Variants in SH3D19 observed in about 807,000 individuals in gnomAD.
SH3D19 encodes SH3 domain-containing protein 19.
SH3D19 carries 58 observed loss-of-function variants against 112.1 expected under a neutral mutation model. That is an observed-to-expected ratio of 0.52 (90% CI 0.42 to 0.64). The LOEUF (loss-of-function observed/expected upper bound fraction) is 0.64, where lower values mean the gene tolerates loss of function less well. SH3D19 is among the 30% of genes least tolerant of loss of function. The pLI is 0.00. For synonymous variants in SH3D19, 391 were observed against 448.5 expected (o/e 0.87, Z 1.62); for missense variants, 1,090 against 1,263.4 (o/e 0.86, Z 2.08).
rs35415171 is a variant in SH3D19, at chr4:151,121,435, CTAAG to C, written c.*652_*655del. 131,429 of 152,134 alleles carry C rather than the reference CTAAG, an allele frequency of 0.86. 57,481 individuals carry two copies. Among genetic ancestry groups the C allele is most frequent in the Non-Finnish European group, 0.95 (64,296 of 67,924 alleles). The allele number at this position is 152,134 out of a possible 1,614,324, so 9.4% of individuals were successfully genotyped here. A position where few individuals can be genotyped will look rare whatever the true frequency, so the allele number is the denominator to read the frequency against. On this transcript the variant is annotated 3_prime_UTR_variant, in exon 20 of 20. Transcript: ENST00000604030. ...TCAGGGATGGTTTTGGTTCTTTAGACTAAGTAAGATACATCCAATTTAGACCCCC... is the reference window on the plus strand; with the variant it reads ...TCAGGGATGGTTTTGGTTCTTTAGACTAAGATACATCCAATTTAGACCCCC...
intron 3 of SH3D19, among the ~76,000 whole-genome samples, chr4:151,186,782 A>T (rs1449713870): frequency 1.3e-5 from 2 of 150,526 alleles, no homozygotes; most frequent in African/African-American, 4.9e-5. Context: ...AACTCTAGAA[A>T]ATGGTTACAT....
intron 2 of SH3D19, among the ~76,000 whole-genome samples, chr4:151,222,675 T>C (rs1211146335): frequency 3.0e-5 from 4 of 135,040 alleles, no homozygotes; most frequent in South Asian, 2.4e-4. Context: ...CTCTTTTTTT[T>C]TTTTTTTTTT....
rs564054413 is a variant in SH3D19 at position 151,137,273 on chromosome 4, A to T, written c.2427+459T>A. Reference sequence around the variant, plus strand: ...TAAATACTTCTGTATTCCCAAATAAATTTTTTTTTAAAGATGGAGATAAAT... The same window carrying T: ...TAAATACTTCTGTATTCCCAAATAATTTTTTTTTTAAAGATGGAGATAAAT... On this transcript the variant is annotated intron_variant, in intron 14 of 19. Coordinates refer to ENST00000604030, the MANE Select transcript of SH3D19 (RefSeq NM_001378122.1). Among the ~76,000 whole-genome samples, 116 of 151,976 alleles carry T rather than the reference A, an allele frequency of 7.6e-4. 1 individual carries two copies. In the South Asian group the frequency reaches 0.016, roughly 22 times the overall value.
chr4:151,249,425 G>C (rs77150720), intron 1 of SH3D19, among the ~76,000 whole-genome samples: 1 of 152,026 alleles, frequency 6.6e-6, no homozygotes, highest in Non-Finnish European at 1.5e-5. Flanking sequence ...GAATTAGCAC[G>C]AGCAAATGAA....
chr4:151,248,600 A>G (rs1415627340), intron 1 of SH3D19, among the ~76,000 whole-genome samples: 2 of 152,200 alleles, frequency 1.3e-5, no homozygotes, highest in African/African-American at 4.8e-5. Flanking sequence ...TAGATCTAAG[A>G]GTATTGGAAA....
At chr4:151,307,872 G>T (rs944826885) in intron 1 of SH3D19, among the ~76,000 whole-genome samples, 4 of 152,108 alleles carry the variant, frequency 2.6e-5, no homozygotes, top group African/African-American at 9.7e-5. Context: ...AAATGTAATC[G>T]AACTAAAAAT....
At chr4:151,253,740 CAAAAAA>C in intron 1 of SH3D19, among the ~76,000 whole-genome samples, 1 of 140,064 alleles carries the variant, frequency 7.1e-6, no homozygotes, top group Non-Finnish European at 1.5e-5. Flanking sequence ...GACTCCGTCT[CAAAAAA>C]AAAAAAAAAC....
intron 8 of SH3D19, among the ~76,000 whole-genome samples, chr4:151,164,855 G>A (rs184622815): frequency 3.9e-5 from 6 of 152,236 alleles, no homozygotes; most frequent in East Asian, 1.9e-4. Context: ...TGGGATTACC[G>A]GCATCAACCA....
chr4:151,253,761 AAACAACAAC>A (rs368369876), intron 1 of SH3D19, among the ~76,000 whole-genome samples: 1,655 of 151,782 alleles, frequency 0.011, 17 homozygotes, highest in South Asian at 0.031. Context: ...AAAAACAAGA[AAACAACAAC>A]AACAACAACA....
chr4:151,212,762 T>C (rs1279190466), intron 2 of SH3D19, among the ~76,000 whole-genome samples: 1 of 152,236 alleles, frequency 6.6e-6, no homozygotes, highest in East Asian at 1.9e-4. Context: ...TGAAGTCTTA[T>C]TATTTAAGAA....
At chr4:151,214,992 G>C (rs1425196744) in intron 2 of SH3D19, among the ~76,000 whole-genome samples, 12 of 148,096 alleles carry the variant, frequency 8.1e-5, no homozygotes, top group Non-Finnish European at 9.0e-5. Flanking sequence ...CCTCCCAGAC[G>C]GGGTCGCGAC....
chr4:151,148,274 C>G lies in SH3D19; in HGVS notation c.1818-88G>C, dbSNP rs371113251. 267 of 581,682 alleles carry G rather than the reference C, an allele frequency of 4.6e-4. 1 individual carries two copies. The highest frequency in any genetic ancestry group is 1.0e-3 in the Middle Eastern group (2 of 1,910). The allele number at this position is 581,682 out of a possible 1,614,324, so 36.0% of individuals were successfully genotyped here. On this transcript the variant is annotated intron_variant, in intron 10 of 19. Coordinates refer to ENST00000604030, the MANE Select transcript of SH3D19 (RefSeq NM_001378122.1). ...TGTCTTACACACACACACACACACA[C>G]ACACACACACACACAGAGACACAGC...
chr4:151,295,812 C>CGGG (rs1013189404), intron 1 of SH3D19, among the ~76,000 whole-genome samples: 5 of 151,882 alleles, frequency 3.3e-5, no homozygotes, highest in Admixed American at 1.3e-4. Context: ...CTGAGGCGGG[C>CGGG]GGATCACGAG....
At chr4:151,156,736 C>T (rs536993320) in intron 9 of SH3D19, among the ~76,000 whole-genome samples, 2 of 152,270 alleles carry the variant, frequency 1.3e-5, no homozygotes, top group South Asian at 4.1e-4. Flanking sequence ...GAAAAGACCT[C>T]AGGACATTGG....
intron 2 of SH3D19, among the ~76,000 whole-genome samples, chr4:151,219,930 C>G (rs896865307): frequency 1.3e-5 from 2 of 152,096 alleles, no homozygotes; most frequent in African/African-American, 4.8e-5. Context: ...TACTTCATTT[C>G]TTTAGATTTT....
intron 1 of SH3D19, among the ~76,000 whole-genome samples, chr4:151,313,087 CA>C (rs571941454): frequency 0.027 from 2,649 of 98,800 alleles, 77 homozygotes; most frequent in East Asian, 0.12. Flanking sequence ...GACTCTGTCT[CA>C]AAAAAAAAAA....
chr4:151,191,952 T>TCTTTTC (rs1554049672), intron 2 of SH3D19, among the ~76,000 whole-genome samples: 1 of 129,696 alleles, frequency 7.7e-6, no homozygotes, highest in Non-Finnish European at 1.6e-5. Flanking sequence ...GCCCTTTTTT[T>TCTTTTC]TTTTTTTTTT....
intron 1 of SH3D19, among the ~76,000 whole-genome samples, chr4:151,307,596 C>A (rs1442089101): frequency 6.6e-6 from 1 of 152,220 alleles, no homozygotes; most frequent in Non-Finnish European, 1.5e-5. Context: ...TGAGGCCTTG[C>A]GAGGCCCCTT....
chr4:151,225,997 T>C (rs956933458), intron 2 of SH3D19, 50 bp downstream of exon 2: 2 of 1,185,114 alleles, frequency 1.7e-6, no homozygotes, highest in Non-Finnish European at 2.1e-6. Flanking sequence ...AAACAATACT[T>C]TTCAAATAAG....
Sources: allele counts gnomAD v4.1 joint callset (sites outside exome capture counted in the v4.1 genomes callset), GRCh38; gene constraint gnomAD v4.1.1; transcripts MANE v1.5; gene names NCBI Gene and HGNC (gene_info 2026-07-23, HGNC 2026-07-21).